The following SERPINA12 variants were observed in gnomAD, a reference collection of about 807,000 sequenced individuals.
SERPINA12 encodes the protein serpin A12.
SERPINA12 carries 21 observed loss-of-function variants against 25.9 expected under a neutral mutation model. The ratio of observed to expected loss-of-function variants is 0.81; its 90% CI spans 0.58 to 1.17. SERPINA12 has a LOEUF of 1.17. Among genes scored for constraint, SERPINA12 ranks in the 50% most tolerant of loss-of-function variants. SERPINA12 has a pLI of 0.00. For synonymous variants in SERPINA12, 220 were observed against 196.0 expected, an observed-to-expected ratio of 1.12 and a Z score of -1.02; for missense variants, 562 against 508.3, an observed-to-expected ratio of 1.11 and a Z score of -1.02.
chr14:94,491,927 C>T (rs1900193854), intron 3 of SERPINA12, among the ~76,000 whole-genome samples: 1 of 152,122 alleles, frequency 6.6e-6, no homozygotes, highest in Admixed American at 6.5e-5. Flanking sequence ...GTGTTTAAAG[C>T]TCTTAGCCTG....
upstream of SERPINA12, among the ~76,000 whole-genome samples, chr14:94,513,042 C>A (rs1901148973): frequency 6.6e-6 from 1 of 152,182 alleles, no homozygotes; most frequent in African/African-American, 2.4e-5. Flanking sequence ...AGGAGTGATA[C>A]CGAGGGTAGC....
intron 1 of SERPINA12, among the ~76,000 whole-genome samples, chr14:94,503,781 A>T (rs2139859751): frequency 6.6e-6 from 1 of 152,322 alleles, no homozygotes; most frequent in South Asian, 2.1e-4. Flanking sequence ...TCAGAGAGAG[A>T]TAAAGATTCA....
intron 1 of SERPINA12, among the ~76,000 whole-genome samples, chr14:94,508,327 A>G (rs1326255476): frequency 1.3e-5 from 2 of 152,270 alleles, no homozygotes; most frequent in African/African-American, 2.4e-5. Flanking sequence ...AGCTTCTAGT[A>G]CAAAATGTTG....
At chr14:94,493,489 G>C (rs957275189) in intron 3 of SERPINA12, among the ~76,000 whole-genome samples, 1 of 152,116 alleles carries the variant, frequency 6.6e-6, no homozygotes, top group African/African-American at 2.4e-5. Flanking sequence ...CAGAGGGATG[G>C]GGGAGGCAGA....
intron 3 of SERPINA12, among the ~76,000 whole-genome samples, chr14:94,490,860 A>G (rs1467832124): frequency 1.3e-5 from 2 of 151,668 alleles, no homozygotes; most frequent in Non-Finnish European, 2.9e-5. Context: ...TTCCAGGTCC[A>G]CCCCTTGAGG....
chr14:94,509,116 A>G (rs1901033646), intron 1 of SERPINA12, among the ~76,000 whole-genome samples: 1 of 152,142 alleles, frequency 6.6e-6, no homozygotes, highest in African/African-American at 2.4e-5. Context: ...ACCATAAATG[A>G]AAGCATGGCC....
intron 1 of SERPINA12, 36 bp from the exon 2 acceptor site, chr14:94,498,466 A>G: frequency 1.3e-6 from 2 of 1,501,410 alleles, no homozygotes; most frequent in Admixed American, 3.8e-5. Flanking sequence ...TGATAACCCC[A>G]TTGCCTACAT....
At chr14:94,487,740 G>A (rs1277058861) in intron 4 of SERPINA12, among the ~76,000 whole-genome samples, 2 of 152,168 alleles carry the variant, frequency 1.3e-5, no homozygotes, top group African/African-American at 2.4e-5. Context: ...GGTGGGGGGA[G>A]AGATGGAGTG....
At chr14:94,503,566 A>G (rs1309327690) in intron 1 of SERPINA12, among the ~76,000 whole-genome samples, 3 of 152,122 alleles carry the variant, frequency 2.0e-5, no homozygotes, top group African/African-American at 4.8e-5. Flanking sequence ...GAGGAGGGGT[A>G]TGTGGGTTGG....
At chr14:94,494,397 C>T (rs1443131588) in intron 3 of SERPINA12, among the ~76,000 whole-genome samples, 1 of 152,202 alleles carries the variant, frequency 6.6e-6, no homozygotes, top group Non-Finnish European at 1.5e-5. Flanking sequence ...GGCTTGGAGG[C>T]ATTGCAGAAT....
Position 94,498,419 on chromosome 14 carries a change from T to C in SERPINA12, c.-22A>G. ...TCATTTTCCTTGAAGAATATCCTGTTGAGTAGTAGACCTGAGGTCAGCAGA... is the reference window on the plus strand; with the variant it reads ...TCATTTTCCTTGAAGAATATCCTGTCGAGTAGTAGACCTGAGGTCAGCAGA... On this transcript the variant is annotated 5_prime_UTR_variant, in exon 2 of 5. Transcript: ENST00000677451. The C allele has an allele frequency of 6.2e-7, 1 of 1,607,542 alleles. No homozygotes were observed. The highest frequency in any genetic ancestry group is 8.5e-7 in the Non-Finnish European group (1 of 1,176,562).
At chr14:94,503,331 T>C in intron 1 of SERPINA12, 1 of 985,230 alleles carries the variant, frequency 1.0e-6, no homozygotes, top group Non-Finnish European at 1.2e-6. Context: ...ATTCCACTTG[T>C]TAATTTGCCC....
Position 94,507,694 on chromosome 14 carries a change from C to T in SERPINA12, c.-34+1648G>A, listed in dbSNP as rs545869274. On this transcript the variant is annotated intron_variant, in intron 1 of 4. Coordinates refer to ENST00000677451, the MANE Select transcript of SERPINA12 (RefSeq NM_001382267.1). ...TAGCTCAGATTAAAAGGACCAGCCA[C>T]ACGAGGACGTGGAGCAAGTGGAACT... Among the ~76,000 whole-genome samples the T allele has an allele frequency of 2.6e-5, 4 of 152,350 alleles. No homozygotes were observed. In the East Asian group the frequency reaches 7.7e-4, roughly 29 times the overall value.
chr14:94,494,825 G>A (rs1221095366), intron 3 of SERPINA12, among the ~76,000 whole-genome samples: 1 of 152,150 alleles, frequency 6.6e-6, no homozygotes, highest in Non-Finnish European at 1.5e-5. Context: ...CGATATTATG[G>A]CCACACACCA....
At chr14:94,508,389 TAGAAA>T (rs1901006887) in intron 1 of SERPINA12, among the ~76,000 whole-genome samples, 1 of 884 alleles carries the variant, frequency 1.1e-3, no homozygotes, top group African/African-American at 0.011. Context: ...AGGAGAGAAA[TAGAAA>T]ATTTAGAAAA....
At chr14:94,517,191 G>GC (rs139603978) in intron 1 of SERPINA12, among the ~76,000 whole-genome samples, 15,547 of 152,290 alleles carry the variant, frequency 0.1, 1,100 homozygotes, top group Non-Finnish European at 0.16. Flanking sequence ...GTGGGACCAT[G>GC]TGTAGCACAG....
upstream of SERPINA12, among the ~76,000 whole-genome samples, chr14:94,509,603 A>C (rs973982149): frequency 1.3e-5 from 2 of 151,984 alleles, no homozygotes; most frequent in Non-Finnish European, 2.9e-5. Context: ...CAAGTGTCTC[A>C]CTCAGAGAGC....
intron 3 of SERPINA12, among the ~76,000 whole-genome samples, chr14:94,490,438 C>A (rs946675297): frequency 4.6e-5 from 7 of 151,984 alleles, no homozygotes; most frequent in Non-Finnish European, 1.0e-4. Flanking sequence ...TACCTGCAGA[C>A]CCTGGATTCC....
upstream of SERPINA12, chr14:94,510,019 T>C (rs979754462): frequency 6.1e-6 from 6 of 985,236 alleles, no homozygotes; most frequent in African/African-American, 8.7e-5. Flanking sequence ...AGGCAGCCCA[T>C]CCATCCAACC....
Sources: allele counts gnomAD v4.1 joint callset (sites outside exome capture counted in the v4.1 genomes callset), GRCh38; gene constraint gnomAD v4.1.1; transcripts MANE v1.5; gene names NCBI Gene and HGNC (gene_info 2026-07-23, HGNC 2026-07-21).